Variants in GABRG3 observed in about 807,000 individuals in gnomAD.
The protein encoded by GABRG3 is gamma-aminobutyric acid type A receptor subunit gamma3.
Under a neutral mutation model 48.8 loss-of-function variants are expected in GABRG3, and 25 were observed. The ratio of observed to expected loss-of-function variants is 0.51; its 90% CI spans 0.37 to 0.72. GABRG3 has a LOEUF of 0.72. Among genes scored for constraint, GABRG3 ranks in the 30% least tolerant of loss-of-function variants. GABRG3 has a pLI of 0.00. For missense variants in GABRG3, 394 were observed against 577.9 expected, an observed-to-expected ratio of 0.68 and a Z score of 3.26; for synonymous variants, 227 against 217.6, an observed-to-expected ratio of 1.04 and a Z score of -0.38.
chr15:27,466,777 G>A (rs1458142467), intron 5 of GABRG3, among the ~76,000 whole-genome samples: 1 of 152,194 alleles, frequency 6.6e-6, no homozygotes, highest in African/African-American at 2.4e-5. Context: ...TAAGCATGGT[G>A]GCAGTGGGGC....
chr15:27,485,669 C>T (rs56132487), intron 6 of GABRG3, among the ~76,000 whole-genome samples: 9,628 of 152,192 alleles, frequency 0.063, 386 homozygotes, highest in Non-Finnish European at 0.089. Flanking sequence ...TTTTTTATTA[C>T]AGATTTTCAT....
At chr15:27,435,291 G>C (rs1888578019) in intron 5 of GABRG3, among the ~76,000 whole-genome samples, 1 of 151,470 alleles carries the variant, frequency 6.6e-6, no homozygotes, top group Non-Finnish European at 1.5e-5. Context: ...AGTTTTGCAA[G>C]TGTCTACAAA....
At chr15:27,050,308 ACT>A (rs1555400473) in intron 3 of GABRG3, among the ~76,000 whole-genome samples, 1 of 151,914 alleles carries the variant, frequency 6.6e-6, no homozygotes, top group Non-Finnish European at 1.5e-5. Flanking sequence ...CATGCCTGAA[ACT>A]CTGTCCCTGG....
intron 3 of GABRG3, among the ~76,000 whole-genome samples, chr15:27,206,003 T>G (rs1269660406): frequency 6.6e-6 from 1 of 152,090 alleles, no homozygotes; most frequent in Non-Finnish European, 1.5e-5. Flanking sequence ...TTACTTATTC[T>G]TTCAAAGAAC....
intron 3 of GABRG3, among the ~76,000 whole-genome samples, chr15:27,088,682 T>C (rs1374315903): frequency 6.6e-6 from 1 of 152,034 alleles, no homozygotes; most frequent in East Asian, 1.9e-4. Context: ...AGCGAGCACC[T>C]GAGGAGGTAA....
Position 26,971,506 on chromosome 15 carries a change from C to G in GABRG3, c.-30C>G. On this transcript the variant is annotated 5_prime_UTR_variant, in exon 1 of 10. Coordinates refer to ENST00000615808, the MANE Select transcript of GABRG3 (RefSeq NM_033223.5). ...AGGAAGCCGCGCCCGGCCGAGGCCC[C>G]GGACCCTGCGCCCCGAGCTCCACGG... 2.0e-6 allele frequency: 3 copies of G among 1,498,390 alleles called. No homozygotes were observed. The highest frequency in any genetic ancestry group is 1.3e-5 in the South Asian group (1 of 79,192). The allele number at this position is 1,498,390 out of a possible 1,614,324, so 92.8% of individuals were successfully genotyped here.
At chr15:27,098,785 C>T (rs769641223) in intron 3 of GABRG3, among the ~76,000 whole-genome samples, 1 of 151,846 alleles carries the variant, frequency 6.6e-6, no homozygotes, top group African/African-American at 2.4e-5. Context: ...AACATAAAAA[C>T]CCTCAATATA....
chr15:27,523,854 A>G (rs1891214199), intron 7 of GABRG3, among the ~76,000 whole-genome samples: 2 of 152,016 alleles, frequency 1.3e-5, no homozygotes, highest in Admixed American at 1.3e-4. Context: ...ATAATAATCA[A>G]CTGAGTTTAG....
chr15:27,151,967 T>C (rs776153466), intron 3 of GABRG3, among the ~76,000 whole-genome samples: 7 of 152,190 alleles, frequency 4.6e-5, no homozygotes, highest in Admixed American at 3.9e-4. Flanking sequence ...GTTGACATCC[T>C]CTTAGCAAAG....
chr15:27,185,184 C>T (rs762913511), intron 3 of GABRG3, among the ~76,000 whole-genome samples: 10 of 152,096 alleles, frequency 6.6e-5, no homozygotes, highest in Non-Finnish European at 1.2e-4. Context: ...GAATTTCTCT[C>T]TCAACAATGC....
rs113981509 is a variant in GABRG3 at position 27,234,547 on chromosome 15, C to T, written c.271-92262C>T. Among the ~76,000 whole-genome samples, 525 of 152,298 alleles carry T rather than the reference C, an allele frequency of 3.4e-3. 1 individual carries two copies. Among genetic ancestry groups the T allele is most frequent in the Non-Finnish European group, 5.8e-3 (397 of 68,042 alleles). The stretch of plus-strand genomic sequence containing the variant: ...AAGCTGTGTGATCTGCCTTTCTCCT[C>T]TTCTTTATCACACACATGAGGAGGG... On this transcript the variant is annotated intron_variant, in intron 3 of 9. Transcript: ENST00000615808.
chr15:27,236,574 G>A lies in GABRG3; in HGVS notation c.271-90235G>A, dbSNP rs1889973020. On this transcript the variant is annotated intron_variant, in intron 3 of 9. Transcript: ENST00000615808. The surrounding 1 kb of genome is among the most constrained non-coding windows in gnomAD (Gnocchi z 4.4). The stretch of plus-strand genomic sequence containing the variant: ...GCCCTTAGCCAGTCACCTGAGGCCA[G>A]GATCAGACTCCGCCTCCCTCTTTAC... Among the ~76,000 whole-genome samples, 1 of 152,202 alleles carries A rather than the reference G, an allele frequency of 6.6e-6. No individual in the cohort carries two copies. Among genetic ancestry groups the A allele is most frequent in the Admixed American group, 6.5e-5 (1 of 15,284 alleles).
intron 3 of GABRG3, among the ~76,000 whole-genome samples, chr15:27,068,365 C>A (rs1357334254): frequency 6.6e-6 from 1 of 152,218 alleles, no homozygotes; most frequent in Non-Finnish European, 1.5e-5. Context: ...ACTGCAGGAG[C>A]AGAGCATTGC....
intron 3 of GABRG3, among the ~76,000 whole-genome samples, chr15:27,076,634 C>T (rs1896915817): frequency 6.6e-6 from 1 of 152,080 alleles, no homozygotes; most frequent in Admixed American, 6.6e-5. Flanking sequence ...AGCCACCTGT[C>T]TCAAGATCAT....
intron 3 of GABRG3, among the ~76,000 whole-genome samples, chr15:27,307,544 CAT>C (rs1272057102): frequency 2.2e-5 from 1 of 45,870 alleles, no homozygotes; most frequent in African/African-American, 8.0e-5. Flanking sequence ...TATATATAAA[CAT>C]AGGTTTATAG....
At chr15:27,306,592 T>A (rs1200568823) in intron 3 of GABRG3, among the ~76,000 whole-genome samples, 2 of 117,398 alleles carry the variant, frequency 1.7e-5, no homozygotes, top group Non-Finnish European at 1.8e-5. Context: ...AAACATATAA[T>A]ATAAACATAT....
At chr15:27,423,839 T>G (rs1222237929) in intron 5 of GABRG3, among the ~76,000 whole-genome samples, 4 of 141,282 alleles carry the variant, frequency 2.8e-5, no homozygotes, top group African/African-American at 1.1e-4. Context: ...AGTACTGAAA[T>G]TACAAGTGTG....
In GABRG3 at chr15:27,447,227, C is replaced by A. The variant is rs1179897586; in HGVS notation, c.575-33423C>A. On this transcript the variant is annotated intron_variant, in intron 5 of 9. Transcript: ENST00000615808. This position sits in a 1 kb window ranked among gnomAD's most constrained non-coding sequence, Gnocchi z 4.0. ...TTCCAACCAGAGACATAATTATAGG[C>A]AAAATCAGAGTCAAAAGAGACAGGC... Among the ~76,000 whole-genome samples the A allele has an allele frequency of 6.6e-6, 1 of 152,084 alleles. No homozygotes were observed. The highest frequency in any genetic ancestry group is 1.5e-5 in the Non-Finnish European group (1 of 68,012).
At chr15:27,043,903 G>A (rs1896321047) in intron 3 of GABRG3, among the ~76,000 whole-genome samples, 1 of 152,188 alleles carries the variant, frequency 6.6e-6, no homozygotes, top group South Asian at 2.1e-4. Context: ...GCTGCTTCCA[G>A]AGCCGTCTCC....
Sources: gnomAD v4.1 joint callset for allele counts (sites outside exome capture counted in the v4.1 genomes callset) on GRCh38, gnomAD v4.1.1 for gene constraint, Gnocchi (gnomAD v3.1) non-coding constraint, MANE v1.5 for transcripts, NCBI Gene and HGNC (gene_info 2026-07-23, HGNC 2026-07-21) for gene names.